NLRP4: variants seen among roughly 807,000 people sequenced by gnomAD.
NLRP4 encodes NLR family pyrin domain containing 4, also known as NACHT, LRR and PYD domains-containing protein 4.
NLRP4 carries 44 observed loss-of-function variants against 84.7 expected under a neutral mutation model. The ratio of observed to expected loss-of-function variants is 0.52; its 90% confidence interval spans 0.41 to 0.67. NLRP4 has a LOEUF of 0.67. NLRP4 is among the 30% of genes least tolerant of loss of function. The pLI, the probability that NLRP4 is intolerant of heterozygous loss-of-function variation, is 0.00. For synonymous variants in NLRP4, 544 were observed against 476.4 expected (o/e 1.14, Z -1.85); for missense variants, 1,260 against 1,219.4 (o/e 1.03, Z -0.50).
In NLRP4 at chr19:55,858,799, A is replaced by G; in HGVS notation, c.1406A>G (p.His469Arg). ...CAALFYLLKS[H>R]LDHPHPAVRC... ...GCCTTGTTCTATTTGCTCAAGAGCCACCTTGATCATCCTCACCCAGCTGTG... is the reference window on the plus strand; with the variant it reads ...GCCTTGTTCTATTTGCTCAAGAGCCGCCTTGATCATCCTCACCCAGCTGTG... Residue 469 changes from histidine (H) to arginine (R), a missense_variant, in exon 3 of 10, where the codon CAC (histidine) becomes CGC (arginine). This residue lies in a region of NLRP4 where 712 missense variants were observed against 669.2 expected (regional missense o/e 1.06). Transcript: ENST00000301295. The surrounding 1 kb of genome is among the most constrained non-coding windows in gnomAD (Gnocchi z 4.2). 2 of 1,614,138 alleles carry G rather than the reference A, an allele frequency of 1.2e-6. No homozygotes were observed. Among genetic ancestry groups the G allele is most frequent in the Middle Eastern group, 1.7e-4 (1 of 6,060 alleles).
intron 2 of NLRP4, among the ~76,000 whole-genome samples, chr19:55,854,529 A>C (rs1273351502): frequency 1.3e-5 from 2 of 152,174 alleles, no homozygotes; most frequent in Non-Finnish European, 2.9e-5. Flanking sequence ...AATGTTAAGA[A>C]TCTGTAATAT....
rs71182923 is a variant in NLRP4, at chr19:55,856,511, C to CTTT, written c.281-1143_281-1141dup. Among the ~76,000 whole-genome samples, 139 of 112,194 alleles carry CTTT rather than the reference C, an allele frequency of 1.2e-3. 2 individuals carry two copies. The highest frequency in any genetic ancestry group is 4.0e-3 in the African/African-American group (106 of 26,534). The allele number at this position is 112,194 out of a possible 152,430, so 73.6% of individuals were successfully genotyped here. A position where few individuals can be genotyped will look rare whatever the true frequency, so the allele number is the denominator to read the frequency against. On this transcript the variant is annotated intron_variant, in intron 2 of 9. Transcript: ENST00000301295. ...GGCTTGGTCATCACTGTTGCTGGATCTTTTTTTTTTTTTTTTTTTTTTGAG... is the reference window on the plus strand; with the variant it reads ...GGCTTGGTCATCACTGTTGCTGGATCTTTTTTTTTTTTTTTTTTTTTTTTTGAG...
Position 55,849,847 on chromosome 19 carries a change from T to A in NLRP4, c.-65-2169T>A, listed in dbSNP as rs1394795192. Among the ~76,000 whole-genome samples the A allele has an allele frequency of 9.9e-4, 146 of 146,744 alleles. 7 individuals carry two copies. Among genetic ancestry groups the A allele is most frequent in the African/African-American group, 3.5e-3 (136 of 39,406 alleles). ...TAATTTCCGAAGCTGCGGTGTAATT[T>A]CCGAGACTGCGGTGTAATTTCCGTG... On this transcript the variant is annotated intron_variant, in intron 1 of 9. Coordinates refer to ENST00000301295, the MANE Select transcript of NLRP4 (RefSeq NM_134444.5).
chr19:55,839,023 T>TA (rs1983504201), intron 1 of NLRP4, among the ~76,000 whole-genome samples: 1 of 151,894 alleles, frequency 6.6e-6, no homozygotes, highest in Non-Finnish European at 1.5e-5. Context: ...GTTTGTTACA[T>TA]AGGTGTACAC....
intron 1 of NLRP4, among the ~76,000 whole-genome samples, chr19:55,847,154 A>AG (rs148650884): frequency 0.078 from 11,506 of 147,152 alleles, 902 homozygotes; most frequent in African/African-American, 0.22. Context: ...ATTTTATTTG[A>AG]GGGGGGGGCA....
chr19:55,850,073 G>A (rs1345216697), intron 1 of NLRP4, among the ~76,000 whole-genome samples: 1 of 123,700 alleles, frequency 8.1e-6, no homozygotes, highest in Non-Finnish European at 1.6e-5. Flanking sequence ...GAATTTCCGA[G>A]ACTGCGGTGT....
At chr19:55,857,399 C>T (rs381809) in intron 2 of NLRP4, 202,820 of 473,986 alleles carry the variant, frequency 0.43, 45,001 homozygotes, top group East Asian at 0.67. Flanking sequence ...GTGTAGAGGA[C>T]CATATGGTTT....
At position 55,857,294 on chromosome 19, in the gene NLRP4, G is replaced by A. The variant is rs115320876; in HGVS notation, c.281-380G>A. ...TGTGTGTGTGTGTCTATTGAAAGCA[G>A]AAGTTGTCAAACTTTACGTAGTAGC... is the stretch of plus-strand genomic sequence containing the variant. On this transcript the variant is annotated intron_variant, in intron 2 of 9. Coordinates refer to ENST00000301295, the MANE Select transcript of NLRP4 (RefSeq NM_134444.5). Among the ~76,000 whole-genome samples, 993 of 150,954 alleles carry A rather than the reference G, an allele frequency of 6.6e-3. 14 individuals are homozygous for A. Among genetic ancestry groups the A allele is most frequent in the African/African-American group, 0.023 (958 of 41,060 alleles).
chr19:55,838,568 A>G (rs756378778), intron 1 of NLRP4, among the ~76,000 whole-genome samples: 19 of 152,106 alleles, frequency 1.2e-4, no homozygotes, highest in Non-Finnish European at 2.6e-4. Flanking sequence ...ATGCCAGCCC[A>G]AGGAAGCTAG....
chr19:55,878,505 A>T (rs370606455), intron 8 of NLRP4, among the ~76,000 whole-genome samples: 6,101 of 71,764 alleles, frequency 0.085, no homozygotes, highest in Middle Eastern at 0.12. Context: ...CTTTTTTTGG[A>T]TAATATGTTA....
At chr19:55,863,593 C>A (rs577797035) in intron 5 of NLRP4, among the ~76,000 whole-genome samples, 1 of 152,128 alleles carries the variant, frequency 6.6e-6, no homozygotes, top group Non-Finnish European at 1.5e-5. Flanking sequence ...TTCCGTCACC[C>A]CCCAGGCCCC....
chr19:55,842,482 C>T (rs749588984), intron 1 of NLRP4, among the ~76,000 whole-genome samples: 2 of 151,704 alleles, frequency 1.3e-5, no homozygotes, highest in Non-Finnish European at 2.9e-5. Context: ...ATTTTTACTT[C>T]TGTCATCTTC....
rs138581137 is a variant in NLRP4, at chr19:55,880,749, CAA to C, written c.2868-720_2868-719del. Among the ~76,000 whole-genome samples the C allele has an allele frequency of 6.3e-3, 966 of 152,236 alleles. 13 individuals carry two copies. The highest frequency in any genetic ancestry group is 0.02 in the African/African-American group (849 of 41,530). On this transcript the variant is annotated intron_variant, in intron 9 of 9. Coordinates refer to ENST00000301295, the MANE Select transcript of NLRP4 (RefSeq NM_134444.5). The stretch of plus-strand genomic sequence containing the variant: ...ATCCTTCTGATTCAAAGCAATGATA[CAA>C]CGTATGGGGGCTCCAGAAACAAATT...
At chr19:55,844,957 C>T (rs906556915) in intron 1 of NLRP4, among the ~76,000 whole-genome samples, 14 of 151,948 alleles carry the variant, frequency 9.2e-5, no homozygotes, top group African/African-American at 3.4e-4. Context: ...CAGTCTTTCC[C>T]CTCACTTTCA....
rs919195307 is a variant in NLRP4, at chr19:55,872,184, T to C, written c.2525+1187T>C. Among the ~76,000 whole-genome samples the C allele has an allele frequency of 5.9e-5, 9 of 152,118 alleles. No individual in the cohort carries two copies. The South Asian group carries it at 6.2e-4, about 10-fold the overall frequency. On this transcript the variant is annotated intron_variant, in intron 7 of 9. Coordinates refer to ENST00000301295, the MANE Select transcript of NLRP4 (RefSeq NM_134444.5). ...ATTCTTAAGTAGCAGGCTAAGTAGA[T>C]AGCACTTAAGGCTATCCAAAACTCC...
Position 55,859,261 on chromosome 19 carries a change from C to T in NLRP4, c.1856+12C>T, listed in dbSNP as rs551879248. ...GAACACAGCTCTACGTGAGTCCATC[C>T]TATGACTTTTTCTCTCTTCTCAGAA... On this transcript the variant is annotated intron_variant, in intron 3 of 9. Transcript: ENST00000301295. 3 of 1,571,718 alleles carry T rather than the reference C, an allele frequency of 1.9e-6. No homozygotes were observed. Among genetic ancestry groups the T allele is most frequent in the East Asian group, 2.3e-5 (1 of 44,152 alleles).
At chr19:55,865,576 C>T (rs1261974481) in intron 5 of NLRP4, among the ~76,000 whole-genome samples, 2 of 152,158 alleles carry the variant, frequency 1.3e-5, no homozygotes, top group Non-Finnish European at 2.9e-5. Context: ...ATTTACATTC[C>T]TACAAAAATG....
intron 5 of NLRP4, among the ~76,000 whole-genome samples, chr19:55,862,800 G>T (rs981208997): frequency 2.0e-5 from 3 of 152,220 alleles, no homozygotes; most frequent in Non-Finnish European, 4.4e-5. Context: ...TTGTGTTGGG[G>T]GAGGGGGCTG....
intron 1 of NLRP4, among the ~76,000 whole-genome samples, chr19:55,849,991 G>GT (rs1228830001): frequency 0.042 from 1,016 of 23,946 alleles, 58 homozygotes; most frequent in Non-Finnish European, 0.11. Flanking sequence ...TGTAATTTCC[G>GT]AGACTGCGGT....
Sources: allele counts gnomAD v4.1 joint callset (sites outside exome capture counted in the v4.1 genomes callset), GRCh38; gene constraint gnomAD v4.1.1; regional missense constraint gnomAD v4.1.1; non-coding constraint Gnocchi (gnomAD v3.1); transcripts MANE v1.5; gene names NCBI Gene and HGNC (gene_info 2026-07-23, HGNC 2026-07-21).